CDC73: variants seen among roughly 807,000 people sequenced by gnomAD.
The protein encoded by CDC73 is parafibromin.
Under a neutral mutation model 83.7 loss-of-function variants are expected in CDC73, and 21 were observed. The ratio of observed to expected loss-of-function variants is 0.25; its 90% CI spans 0.18 to 0.36. The LOEUF is 0.36. Ranked by LOEUF, CDC73 falls within the 10% of genes least tolerant of loss-of-function variation. The pLI, the probability that CDC73 is intolerant of heterozygous loss-of-function variation, is 1.00. For missense variants in CDC73, 342 were observed against 653.3 expected, an observed-to-expected ratio of 0.52 and a Z score of 5.19; for synonymous variants, 224 against 212.9, an observed-to-expected ratio of 1.05 and a Z score of -0.45.
At chr1:193,136,444 T>TA in intron 5 of CDC73, 1 of 251,980 alleles carries the variant, frequency 4.0e-6, no homozygotes, top group South Asian at 3.4e-5. Context: ...GATTCATTGT[T>TA]ATTGCTCTAT....
At chr1:193,174,111 G>A (rs1190345857) in intron 10 of CDC73, among the ~76,000 whole-genome samples, 5 of 150,700 alleles carry the variant, frequency 3.3e-5, no homozygotes, top group African/African-American at 4.9e-5. Flanking sequence ...TGCTCTAAAG[G>A]GGCAGTACAT....
At chr1:193,179,154 C>T (rs1399899676) in intron 10 of CDC73, 2 of 152,012 alleles carry the variant, frequency 1.3e-5, no homozygotes, top group African/African-American at 4.8e-5. Flanking sequence ...CCCATCCCTC[C>T]CAAAAAGGTT....
intron 3 of CDC73, among the ~76,000 whole-genome samples, chr1:193,134,441 C>T (rs1183250440): frequency 7.2e-5 from 11 of 152,098 alleles, no homozygotes; most frequent in Admixed American, 1.3e-4. Flanking sequence ...GAGGCCGAGG[C>T]GGGCGGATCA....
chr1:193,156,584 G>A (rs1208827311), intron 10 of CDC73, among the ~76,000 whole-genome samples: 1 of 152,026 alleles, frequency 6.6e-6, no homozygotes, highest in African/African-American at 2.4e-5. Flanking sequence ...TGTCAACCAG[G>A]TTAGATTCTT....
intron 15 of CDC73, among the ~76,000 whole-genome samples, chr1:193,237,762 C>T (rs1222571040): frequency 6.6e-6 from 1 of 152,132 alleles, no homozygotes; most frequent in Non-Finnish European, 1.5e-5. Context: ...TCCTCCTCGA[C>T]GTCTGTGAGT....
chr1:193,251,230 A>G lies in CDC73; in HGVS notation c.*518A>G, dbSNP rs190433473. ...ACTTACTCATTATTTAAAAAGAATA[A>G]TGAAAAATCTAGATCAATTCTTCAA... On this transcript the variant is annotated 3_prime_UTR_variant, in exon 17 of 17. Transcript: ENST00000367435. The G allele has an allele frequency of 1.3e-3, 312 of 232,722 alleles. No individual in the cohort carries two copies. Among genetic ancestry groups the G allele is most frequent in the African/African-American group, 6.4e-3 (292 of 45,406 alleles). The allele number at this position is 232,722 out of a possible 1,614,324, so 14.4% of individuals were successfully genotyped here. A position where few individuals can be genotyped will look rare whatever the true frequency, so the allele number is the denominator to read the frequency against.
chr1:193,249,349 G>A (rs562752399), intron 15 of CDC73, among the ~76,000 whole-genome samples: 3 of 152,088 alleles, frequency 2.0e-5, no homozygotes, highest in African/African-American at 7.2e-5. Flanking sequence ...CAGTGTTAAC[G>A]TAACTACGTA....
chr1:193,208,313 T>C (rs1677222859), intron 11 of CDC73, among the ~76,000 whole-genome samples: 2 of 152,232 alleles, frequency 1.3e-5, no homozygotes, highest in South Asian at 2.1e-4. Flanking sequence ...GGTTGCCTGG[T>C]GTCAACCTTT....
chr1:193,226,442 G>A (rs774567468), intron 13 of CDC73, among the ~76,000 whole-genome samples: 17 of 152,244 alleles, frequency 1.1e-4, no homozygotes, highest in Non-Finnish European at 1.8e-4. Context: ...TCAGAACTAC[G>A]TTAGCTGTGG....
In CDC73 at chr1:193,122,070, T is replaced by C. The variant is rs1675457142; in HGVS notation, c.-131T>C. On this transcript the variant is annotated 5_prime_UTR_variant, in exon 1 of 17. Transcript: ENST00000367435. ...TGCTGTCGTAGGCGAGGACGGCTGT[T>C]AGTGCTGCTGCTGTTGGTTCGTCGC... The C allele has an allele frequency of 1.2e-6, 1 of 822,140 alleles. No individual in the cohort carries two copies. Among genetic ancestry groups the C allele is most frequent in the South Asian group, 1.5e-5 (1 of 65,662 alleles). The allele number at this position is 822,140 out of a possible 1,614,324, so 50.9% of individuals were successfully genotyped here.
chr1:193,196,909 C>T (rs1203539371), intron 10 of CDC73, among the ~76,000 whole-genome samples: 2 of 152,116 alleles, frequency 1.3e-5, no homozygotes, highest in African/African-American at 4.8e-5. Context: ...TTACCTCTTC[C>T]TTTCCAATTT....
intron 15 of CDC73, among the ~76,000 whole-genome samples, chr1:193,238,143 A>G (rs540147087): frequency 3.0e-4 from 45 of 152,350 alleles, no homozygotes; most frequent in African/African-American, 9.4e-4. Flanking sequence ...ATAAGAATTT[A>G]GAGAATTTTA....
chr1:193,164,004 C>G (rs555281613), intron 10 of CDC73, among the ~76,000 whole-genome samples: 130 of 152,306 alleles, frequency 8.5e-4, no homozygotes, highest in African/African-American at 3.0e-3. Flanking sequence ...CCTTGAACTC[C>G]TGACCTCAAG....
intron 8 of CDC73, among the ~76,000 whole-genome samples, chr1:193,149,374 A>G (rs1315405695): frequency 6.6e-6 from 1 of 151,574 alleles, no homozygotes; most frequent in East Asian, 1.9e-4. Flanking sequence ...TACTTATTAG[A>G]TGTTTTTTTT....
chr1:193,173,468 T>C (rs1405531184), intron 10 of CDC73, among the ~76,000 whole-genome samples: 1 of 152,208 alleles, frequency 6.6e-6, no homozygotes. Context: ...ATCTTTTACA[T>C]AGCCACAGTG....
chr1:193,181,080 A>G, intron 10 of CDC73: 1 of 1,614,048 alleles, frequency 6.2e-7, no homozygotes, highest in Non-Finnish European at 8.5e-7. Flanking sequence ...CTATTTGTCC[A>G]GGCTCTGCAG....
At position 193,250,664 on chromosome 1, in the gene CDC73, TA is replaced by T. The variant is rs772000043; in HGVS notation, c.1560-11del. On this transcript the variant is annotated splice_polypyrimidine_tract_variant and intron_variant, in intron 16 of 16. Coordinates refer to ENST00000367435, the MANE Select transcript of CDC73 (RefSeq NM_024529.5). The stretch of plus-strand genomic sequence containing the variant: ...CTATAGTCATTATAACCTACCATAA[TA>T]TTTTTTTCAGGTACATGGTAAAGCA... 97 of 1,593,278 alleles carry T rather than the reference TA, an allele frequency of 6.1e-5. No homozygotes were observed. The highest frequency in any genetic ancestry group is 7.8e-5 in the Non-Finnish European group (91 of 1,162,184).
chr1:193,251,602 C>G lies in CDC73; in HGVS notation c.*890C>G, dbSNP rs1242796732. ...TTTTAGGCTTGTCAGTCTTGGAGTT[C>G]TTATCTTCCATTATCCCTAAATATT... On this transcript the variant is annotated 3_prime_UTR_variant, in exon 17 of 17. Transcript: ENST00000367435. 3 of 231,964 alleles carry G rather than the reference C, an allele frequency of 1.3e-5. No individual in the cohort carries two copies. Among genetic ancestry groups the G allele is most frequent in the Non-Finnish European group, 2.6e-5 (3 of 117,058 alleles). The allele number at this position is 231,964 out of a possible 1,614,324, so 14.4% of individuals were successfully genotyped here. A position where few individuals can be genotyped will look rare whatever the true frequency, so the allele number is the denominator to read the frequency against.
chr1:193,233,841 T>C (rs955553682), intron 14 of CDC73, among the ~76,000 whole-genome samples: 1 of 152,122 alleles, frequency 6.6e-6, no homozygotes, highest in Non-Finnish European at 1.5e-5. Context: ...TAACAAAATA[T>C]TAAGCTGTTT....
Sources: gnomAD v4.1 joint callset for allele counts (sites outside exome capture counted in the v4.1 genomes callset) on GRCh38, gnomAD v4.1.1 for gene constraint, MANE v1.5 for transcripts, NCBI Gene and HGNC (gene_info 2026-07-23, HGNC 2026-07-21) for gene names.